ZFYVE9: variants seen among roughly 807,000 people sequenced by gnomAD.
The protein encoded by ZFYVE9 is zinc finger FYVE-type containing 9.
In ZFYVE9, 43 loss-of-function variants were observed where a neutral mutation model predicts 126.7. The observed-to-expected ratio is 0.34, with a 90% CI of 0.27 to 0.44. ZFYVE9 has a LOEUF of 0.44. Ranked by LOEUF, ZFYVE9 falls within the 20% of genes least tolerant of loss-of-function variation. The pLI, the probability that ZFYVE9 is intolerant of heterozygous loss-of-function variation, is 1.00. For missense variants in ZFYVE9, 1,476 were observed against 1,697.0 expected, an observed-to-expected ratio of 0.87 and a Z score of 2.29; for synonymous variants, 521 against 597.4, an observed-to-expected ratio of 0.87 and a Z score of 1.87.
chr1:52,169,322 C>T (rs1215205203), intron 1 of ZFYVE9, among the ~76,000 whole-genome samples: 1 of 152,110 alleles, frequency 6.6e-6, no homozygotes, highest in African/African-American at 2.4e-5. Flanking sequence ...TTCACCTAAG[C>T]CCAGGAGGTC....
chr1:52,178,168 A>G (rs1644657973), intron 1 of ZFYVE9, among the ~76,000 whole-genome samples: 1 of 150,078 alleles, frequency 6.7e-6, no homozygotes, highest in Non-Finnish European at 1.5e-5. Context: ...AGTCTCAGCT[A>G]CTTGGGAGGC....
At chr1:52,188,128 A>G (rs1003415115) in intron 1 of ZFYVE9, among the ~76,000 whole-genome samples, 4 of 152,262 alleles carry the variant, frequency 2.6e-5, no homozygotes, top group Non-Finnish European at 4.4e-5. Flanking sequence ...CATATACTCC[A>G]TGGAATACTA....
chr1:52,206,120 T>C (rs764125353), intron 1 of ZFYVE9, among the ~76,000 whole-genome samples: 1 of 152,186 alleles, frequency 6.6e-6, no homozygotes, highest in Admixed American at 6.5e-5. Flanking sequence ...ATAACAGTTA[T>C]AAGGATATGA....
intron 1 of ZFYVE9, among the ~76,000 whole-genome samples, chr1:52,159,038 C>G (rs183019103): frequency 1.3e-5 from 2 of 152,092 alleles, no homozygotes; most frequent in Non-Finnish European, 2.9e-5. Flanking sequence ...GTGATCCGCC[C>G]GCCTCGGCCT....
At chr1:52,316,165 CA>C (rs367815611) in intron 13 of ZFYVE9, among the ~76,000 whole-genome samples, 1,533 of 39,210 alleles carry the variant, frequency 0.039, 70 homozygotes, top group East Asian at 0.31. Flanking sequence ...AACTCCATCT[CA>C]AAAAAAAAAA....
intron 2 of ZFYVE9, among the ~76,000 whole-genome samples, chr1:52,225,315 A>G (rs1472291659): frequency 6.6e-6 from 1 of 152,192 alleles, no homozygotes; most frequent in Non-Finnish European, 1.5e-5. Context: ...TCCCCATGAA[A>G]GATAATCACT....
chr1:52,217,345 G>A (rs186180038), intron 2 of ZFYVE9, among the ~76,000 whole-genome samples: 193 of 152,254 alleles, frequency 1.3e-3, no homozygotes, highest in African/African-American at 4.3e-3. Context: ...CAGAAGCGGG[G>A]GTAGGATTGT....
intron 7 of ZFYVE9, among the ~76,000 whole-genome samples, chr1:52,268,880 G>T (rs1019211738): frequency 6.6e-6 from 1 of 152,174 alleles, no homozygotes; most frequent in African/African-American, 2.4e-5. Flanking sequence ...CTCCACTTTA[G>T]CTAGCAGTCG....
rs1645975259 is a variant in ZFYVE9 at position 52,296,366 on chromosome 1, C to T, written c.3333+389C>T. 1.3e-5 allele frequency among the ~76,000 whole-genome samples: 2 copies of T among 151,906 alleles called. 1 individual carries two copies. The highest frequency in any genetic ancestry group is 4.1e-4 in the South Asian group (2 of 4,820). On this transcript the variant is annotated intron_variant, in intron 12 of 18. Transcript: ENST00000287727. ...TTTAAGACTGGCATTCTATGAGTTT[C>T]TCTTGTGTCTATATAGGTTATTATC...
intron 1 of ZFYVE9, among the ~76,000 whole-genome samples, chr1:52,161,995 T>G (rs1277310752): frequency 1.3e-5 from 2 of 151,980 alleles, no homozygotes; most frequent in Non-Finnish European, 2.9e-5. Context: ...CTCAAGATGT[T>G]TACTCAAAAT....
At chr1:52,327,165 TAAAC>T (rs1449576807) in intron 13 of ZFYVE9, among the ~76,000 whole-genome samples, 5 of 150,736 alleles carry the variant, frequency 3.3e-5, no homozygotes, top group African/African-American at 4.9e-5. Context: ...GTCTCAAAAA[TAAAC>T]AAACAAAAAT....
chr1:52,255,778 A>T (rs1645501118), intron 4 of ZFYVE9, among the ~76,000 whole-genome samples: 1 of 151,802 alleles, frequency 6.6e-6, no homozygotes, highest in Admixed American at 6.6e-5. Flanking sequence ...CTGTAGTCTC[A>T]GTTACTTGGG....
intron 13 of ZFYVE9, among the ~76,000 whole-genome samples, chr1:52,316,914 A>G (rs987891282): frequency 6.6e-6 from 1 of 152,238 alleles, no homozygotes; most frequent in Admixed American, 6.5e-5. Context: ...CACACAGAAC[A>G]TTTACAAAAT....
At chr1:52,159,442 C>T (rs1644435562) in intron 1 of ZFYVE9, among the ~76,000 whole-genome samples, 1 of 152,124 alleles carries the variant, frequency 6.6e-6, no homozygotes, top group Non-Finnish European at 1.5e-5. Flanking sequence ...AGAGGAGGCA[C>T]AATTGTCAGG....
chr1:52,145,801 T>A (rs780002459), intron 1 of ZFYVE9, among the ~76,000 whole-genome samples: 1 of 152,232 alleles, frequency 6.6e-6, no homozygotes, highest in Non-Finnish European at 1.5e-5. Flanking sequence ...TGGAATTTTT[T>A]ATGGAAAACA....
chr1:52,215,742 A>G (rs945776284), intron 1 of ZFYVE9, among the ~76,000 whole-genome samples: 1 of 152,204 alleles, frequency 6.6e-6, no homozygotes, highest in African/African-American at 2.4e-5. Flanking sequence ...CCATAACTTA[A>G]TGGATATTGT....
At chr1:52,262,187 A>T (rs1242714560) in intron 4 of ZFYVE9, among the ~76,000 whole-genome samples, 1 of 152,202 alleles carries the variant, frequency 6.6e-6, no homozygotes, top group Non-Finnish European at 1.5e-5. Context: ...CTCTAACTTC[A>T]CAGGGCAGAA....
chr1:52,289,876 TG>T (rs1175990573), intron 10 of ZFYVE9, among the ~76,000 whole-genome samples: 2 of 152,198 alleles, frequency 1.3e-5, no homozygotes, highest in Non-Finnish European at 2.9e-5. Context: ...GAGTGTTAAA[TG>T]GAAGAGGCAG....
intron 1 of ZFYVE9, among the ~76,000 whole-genome samples, chr1:52,208,034 G>A (rs1255694347): frequency 6.6e-6 from 1 of 152,148 alleles, no homozygotes; most frequent in Non-Finnish European, 1.5e-5. Flanking sequence ...AAACAATATA[G>A]CATGGGCCGG....
Sources: gnomAD v4.1 joint callset for allele counts (sites outside exome capture counted in the v4.1 genomes callset) on GRCh38, gnomAD v4.1.1 for gene constraint, MANE v1.5 for transcripts, NCBI Gene and HGNC (gene_info 2026-07-23, HGNC 2026-07-21) for gene names.